CENPX: variants seen among roughly 807,000 people sequenced by gnomAD.
The protein encoded by CENPX is centromere protein X, also known as FANCM associated histone fold protein 2.
A neutral mutation model predicts 13.2 loss-of-function variants in CENPX; 13 were observed. The observed-to-expected ratio is 0.98, with a 90% CI of 0.64 to 1.56. The LOEUF (loss-of-function observed/expected upper bound fraction) is 1.56. Ranked by LOEUF, CENPX falls within the 40% of genes most tolerant of loss-of-function variation. The pLI is 0.00. For synonymous variants in CENPX, 66 were observed against 47.2 expected (o/e 1.40, Z -1.63); for missense variants, 138 against 107.5 (o/e 1.28, Z -1.26).
At chr17:82,021,634 G>A (rs1405869987) in intron 1 of CENPX, among the ~76,000 whole-genome samples, 5 of 152,212 alleles carry the variant, frequency 3.3e-5, no homozygotes, top group Admixed American at 2.0e-4. Flanking sequence ...TCATTCTCAC[G>A]CTCATTCTCT....
At chr17:82,022,659 A>C in intron 1 of CENPX, 167 bp downstream of exon 1, 1 of 791,622 alleles carries the variant, frequency 1.3e-6, no homozygotes, top group South Asian at 1.7e-5. Context: ...ACACCAGCCC[A>C]CGAGGGCGCG....
intron 3 of CENPX, 58 bp from the exon 4 acceptor site, chr17:82,019,439 G>GT: frequency 6.6e-7 from 1 of 1,520,240 alleles, no homozygotes. Context: ...CCCGAGCCCA[G>GT]TGAGGGCCTC....
chr17:82,019,706 G>T lies in CENPX; in HGVS notation c.89-12C>A. 1 of 1,550,290 alleles carries T rather than the reference G, an allele frequency of 6.5e-7. No homozygotes were observed. The highest frequency in any genetic ancestry group is 1.2e-5 in the South Asian group (1 of 84,070). On this transcript the variant is annotated splice_polypyrimidine_tract_variant and intron_variant, in intron 2 of 4. Coordinates refer to ENST00000392359, the MANE Select transcript of CENPX (RefSeq NM_001271006.2). Reference sequence around the variant, plus strand: ...CGCGTCCCCGCTCACTGCAAGGCAGGGGGAGGTTATGCGGGACCCTCACCC... The same window carrying T: ...CGCGTCCCCGCTCACTGCAAGGCAGTGGGAGGTTATGCGGGACCCTCACCC...
At position 82,019,038 on chromosome 17, in the gene CENPX, G is replaced by T; in HGVS notation, c.*167C>A. The T allele has an allele frequency of 9.4e-7, 1 of 1,066,916 alleles. No homozygotes were observed. Among genetic ancestry groups the T allele is most frequent in the Non-Finnish European group, 1.3e-6 (1 of 762,672 alleles). 66.1% of individuals were successfully genotyped at this position (1,066,916 alleles called of 1,614,324 possible). On this transcript the variant is annotated 3_prime_UTR_variant, in exon 5 of 5. Coordinates refer to ENST00000392359, the MANE Select transcript of CENPX (RefSeq NM_001271006.2). Reference sequence around the variant, plus strand: ...ACTCCAAGGCCCGCAGTGCACTGCAGTCCTGCCCCTTCTGCACAGGCTGGA... The same window carrying T: ...ACTCCAAGGCCCGCAGTGCACTGCATTCCTGCCCCTTCTGCACAGGCTGGA...
chr17:82,019,128 A>G lies in CENPX; in HGVS notation c.*77T>C. 1 of 1,488,110 alleles carries G rather than the reference A, an allele frequency of 6.7e-7. No homozygotes were observed. The highest frequency in any genetic ancestry group is 1.8e-4 in the Middle Eastern group (1 of 5,530). The allele number at this position is 1,488,110 out of a possible 1,614,324, so 92.2% of individuals were successfully genotyped here. ...CAGGTCCTTCCCTGCCTCTTATCAGAGGCCGCTGGAAACACAAGGCCTGCT... is the reference window on the plus strand; with the variant it reads ...CAGGTCCTTCCCTGCCTCTTATCAGGGGCCGCTGGAAACACAAGGCCTGCT... On this transcript the variant is annotated 3_prime_UTR_variant, in exon 5 of 5. Transcript: ENST00000392359.
Position 82,019,842 on chromosome 17 carries a change from G to A in CENPX, c.88+16C>T, listed in dbSNP as rs183744842. On this transcript the variant is annotated intron_variant, in intron 2 of 4. Coordinates refer to ENST00000392359, the MANE Select transcript of CENPX (RefSeq NM_001271006.2). ...AGACACGGGGACCCACCTCCCGCCC[G>A]CACCCCCACCCGCACCTTTGGTCTT... is the stretch of plus-strand genomic sequence containing the variant. 9.0e-3 allele frequency: 7,027 copies of A among 783,344 alleles called. 19 individuals carry two copies. The highest frequency in any genetic ancestry group is 0.013 in the Non-Finnish European group (6,469 of 487,864). 48.5% of individuals were successfully genotyped at this position (783,344 alleles called of 1,614,324 possible). A position where few individuals can be genotyped will look rare whatever the true frequency, so the allele number is the denominator to read the frequency against.
intron 1 of CENPX, 123 bp downstream of exon 1, chr17:82,022,703 A>T: frequency 8.4e-7 from 1 of 1,189,186 alleles, no homozygotes; most frequent in South Asian, 1.4e-5. Flanking sequence ...GGAGTCTGAG[A>T]ACGGGCCCAA....
chr17:82,019,136 G>A lies in CENPX; in HGVS notation c.*69C>T. ...TCCCTGCCTCTTATCAGAGGCCGCT[G>A]GAAACACAAGGCCTGCTTCTGTGGA... On this transcript the variant is annotated 3_prime_UTR_variant, in exon 5 of 5. Coordinates refer to ENST00000392359, the MANE Select transcript of CENPX (RefSeq NM_001271006.2). The A allele has an allele frequency of 1.3e-6, 2 of 1,496,530 alleles. No homozygotes were observed. Among genetic ancestry groups the A allele is most frequent in the Non-Finnish European group, 1.8e-6 (2 of 1,123,072 alleles). The allele number at this position is 1,496,530 out of a possible 1,614,324, so 92.7% of individuals were successfully genotyped here.
chr17:82,019,609 G>T, intron 3 of CENPX, 32 bp downstream of exon 3: 1 of 1,550,258 alleles, frequency 6.5e-7, no homozygotes, highest in Non-Finnish European at 8.7e-7. Flanking sequence ...TCCGGATGCT[G>T]TGCCCGGAGG....
Position 82,019,833 on chromosome 17 carries a change from CTCCCGCCCG to C in CENPX, c.88+16_88+24del. 3.1e-6 allele frequency: 5 copies of C among 1,593,842 alleles called. No individual in the cohort carries two copies. Among genetic ancestry groups the C allele is most frequent in the African/African-American group, 1.3e-5 (1 of 74,694 alleles). On this transcript the variant is annotated intron_variant, in intron 2 of 4. Transcript: ENST00000392359. Reference sequence around the variant, plus strand: ...CCTGAGGACAGACACGGGGACCCACCTCCCGCCCGCACCCCCACCCGCACCTTTGGTCTT... The same window carrying C: ...CCTGAGGACAGACACGGGGACCCACCCACCCCCACCCGCACCTTTGGTCTT...
At position 82,019,095 on chromosome 17, in the gene CENPX, A is replaced by G; in HGVS notation, c.*110T>C. The G allele has an allele frequency of 1.4e-6, 2 of 1,430,134 alleles. No homozygotes were observed. Among genetic ancestry groups the G allele is most frequent in the South Asian group, 3.0e-5 (2 of 67,222 alleles). 88.6% of individuals were successfully genotyped at this position (1,430,134 alleles called of 1,614,324 possible). ...CAGAGATCTTGTTTGAATCAACTCC[A>G]AATCCTTCAGGTCCTTCCCTGCCTC... is the stretch of plus-strand genomic sequence containing the variant. On this transcript the variant is annotated 3_prime_UTR_variant, in exon 5 of 5. Transcript: ENST00000392359.
chr17:82,022,504 G>C (rs954315516), intron 1 of CENPX: 1 of 504,400 alleles, frequency 2.0e-6, no homozygotes, highest in South Asian at 2.4e-5. Flanking sequence ...CCCAGGCTCA[G>C]GGCGCAGGGC....
chr17:82,021,814 A>G (rs561221379), intron 1 of CENPX, among the ~76,000 whole-genome samples: 72 of 152,324 alleles, frequency 4.7e-4, no homozygotes, highest in Admixed American at 4.5e-3. Flanking sequence ...AGGTGGCCCA[A>G]GCCTCAGTGA....
At chr17:82,019,585 G>A in intron 3 of CENPX, 56 bp downstream of exon 3, 5 of 1,549,804 alleles carry the variant, frequency 3.2e-6, no homozygotes, top group Non-Finnish European at 4.4e-6. Context: ...TTTCCCGCTG[G>A]AAAAACGCAA....
intron 1 of CENPX, among the ~76,000 whole-genome samples, chr17:82,020,731 C>CA (rs2043266468): frequency 6.6e-6 from 1 of 152,130 alleles, no homozygotes. Context: ...AGGACGGGGA[C>CA]AAGGGAGGAG....
At position 82,018,815 on chromosome 17, in the gene CENPX, T is replaced by C; in HGVS notation, c.*390A>G. On this transcript the variant is annotated 3_prime_UTR_variant, in exon 5 of 5. Coordinates refer to ENST00000392359, the MANE Select transcript of CENPX (RefSeq NM_001271006.2). The stretch of plus-strand genomic sequence containing the variant: ...GGCTGGAAAGGTCACACGCCAGCTT[T>C]GATGTCGGGTGGCAGGAATGTGGGC... The C allele has an allele frequency of 3.2e-6, 1 of 311,046 alleles. No homozygotes were observed. The highest frequency in any genetic ancestry group is 5.9e-6 in the Non-Finnish European group (1 of 169,458). 19.3% of individuals were successfully genotyped at this position (311,046 alleles called of 1,614,324 possible).
rs1014964691 is a variant in CENPX, at chr17:82,019,069, C to G, written c.*136G>C. The G allele has an allele frequency of 2.4e-5, 31 of 1,317,306 alleles. No individual in the cohort carries two copies. In the African/African-American group the frequency reaches 3.4e-4, roughly 14 times the overall value. The allele number at this position is 1,317,306 out of a possible 1,614,324, so 81.6% of individuals were successfully genotyped here. A position where few individuals can be genotyped will look rare whatever the true frequency, so the allele number is the denominator to read the frequency against. ...CCCCTTCTGCACAGGCTGGAGACTC[C>G]CAGAGATCTTGTTTGAATCAACTCC... On this transcript the variant is annotated 3_prime_UTR_variant, in exon 5 of 5. Coordinates refer to ENST00000392359, the MANE Select transcript of CENPX (RefSeq NM_001271006.2).
intron 1 of CENPX, among the ~76,000 whole-genome samples, chr17:82,020,445 T>A (rs920492012): frequency 1.3e-5 from 2 of 152,178 alleles, no homozygotes; most frequent in Admixed American, 1.3e-4. Flanking sequence ...CTTGCCCTGG[T>A]GCTCATGATC....
At chr17:82,020,015 C>A in intron 1 of CENPX, 106 bp from the exon 2 acceptor site, 2 of 1,104,418 alleles carry the variant, frequency 1.8e-6, no homozygotes, top group East Asian at 5.2e-5. Flanking sequence ...CTGGAGACGC[C>A]CTCTGTGCCT....
Sources: allele counts gnomAD v4.1 joint callset (sites outside exome capture counted in the v4.1 genomes callset), GRCh38; gene constraint gnomAD v4.1.1; transcripts MANE v1.5; gene names NCBI Gene and HGNC (gene_info 2026-07-23, HGNC 2026-07-21).